LAMB2: variants seen among roughly 807,000 people sequenced by gnomAD.
LAMB2 encodes laminin subunit beta 2.
In LAMB2, 119 loss-of-function variants were observed where a neutral mutation model predicts 202.7. The ratio of observed to expected loss-of-function variants is 0.59; its 90% CI spans 0.51 to 0.68. The LOEUF (loss-of-function observed/expected upper bound fraction) is 0.68. LAMB2 is among the 30% of genes least tolerant of loss of function. LAMB2 has a pLI of 0.00. For synonymous variants in LAMB2, 818 were observed against 902.2 expected (o/e 0.91, Z 1.67); for missense variants, 2,124 against 2,410.6 (o/e 0.88, Z 2.49).
rs781028657 is a variant in LAMB2, at chr3:49,132,081, G to C, written c.459+35C>G. 5.6e-6 allele frequency: 9 copies of C among 1,597,102 alleles called. No individual in the cohort carries two copies. The highest frequency in any genetic ancestry group is 7.7e-6 in the Non-Finnish European group (9 of 1,164,604). On this transcript the variant is annotated intron_variant, in intron 4 of 31. Coordinates refer to ENST00000305544, the MANE Select transcript of LAMB2 (RefSeq NM_002292.4). The surrounding 1 kb of genome is among the most constrained non-coding windows in gnomAD (Gnocchi z 4.6). ...TCCAGGGGCAATGGAGAGCCAAGCA[G>C]GGTGATTCGGGCAGGCTCCCAGATA...
Position 49,122,822 on chromosome 3 carries a change from G to A in LAMB2, c.4455C>T (p.Ser1485=), listed in dbSNP as rs767826352. Residue 1485 remains serine (S), a synonymous_variant, in exon 27 of 32, where the codon AGC becomes AGT. Coordinates refer to ENST00000305544, the MANE Select transcript of LAMB2 (RefSeq NM_002292.4). ...CTGCCTGGGCCCGCTGCTGTGCCTC[G>A]CTTGCCTGCCGACGAGTCTCAGCCA... ...SRVAETRRQA[S]EAQQRAQAAL... is the part of the protein sequence containing the mutation. The A allele has an allele frequency of 4.3e-6, 7 of 1,613,168 alleles. No homozygotes were observed. The highest frequency in any genetic ancestry group is 2.2e-5 in the East Asian group (1 of 44,888).
In LAMB2 at chr3:49,129,169, G is replaced by C. The variant is rs2045455186; in HGVS notation, c.1599-17C>G. The C allele has an allele frequency of 1.2e-6, 2 of 1,613,960 alleles. No homozygotes were observed. The highest frequency in any genetic ancestry group is 3.3e-5 in the Admixed American group (2 of 59,996). On this transcript the variant is annotated splice_polypyrimidine_tract_variant and intron_variant, in intron 12 of 31. Transcript: ENST00000305544. The surrounding 1 kb of genome is among the most constrained non-coding windows in gnomAD (Gnocchi z 6.1). ...TCATCACACCTGGAGGGAACTCTGT[G>C]GTTACTCAAGAAGAACCTTCTCTTC...
rs778887906 is a variant in LAMB2, at chr3:49,121,583, C to G, written c.5110G>C (p.Gly1704Arg). The G allele has an allele frequency of 4.3e-6, 7 of 1,613,832 alleles. No individual in the cohort carries two copies. In the East Asian group the frequency reaches 6.7e-5, roughly 15 times the overall value. The change falls in exon 31 of 32, where the codon GGT becomes CGT. Residue 1704 changes from glycine to arginine, a missense_variant. By Grantham distance (125) the Gly-to-Arg change is moderately radical. This residue lies in a region of LAMB2 where 1,702 missense variants were observed against 1,896.3 expected (regional missense o/e 0.90). Transcript: ENST00000305544. ...GTCTGGTACTGATCACCCAGAGGAC[C>G]GCGTAGCAGCTGCAGATGTAGAGGG... ...RAQEAEQLLRGPLGDQYQTVK... is the reference protein window; with the variant it reads ...RAQEAEQLLRRPLGDQYQTVK...
rs2045410638 is a variant in LAMB2 at position 49,126,058 on chromosome 3, C to T, written c.2253G>A (p.Glu751=). The change falls in exon 17 of 32, where the codon GAG becomes GAA. Residue 751 remains glutamate (E), a synonymous_variant. Transcript: ENST00000305544. The part of the protein sequence containing the change: ...QATFERYQCH[E]EGLVPSKTSP... ...AAGTCTTGCTGGGCACCAGACCCTC[C>T]TCATGGCATTGGTAGCGTTCAAAGG... The T allele has an allele frequency of 1.9e-6, 3 of 1,614,026 alleles. No homozygotes were observed. Among genetic ancestry groups the T allele is most frequent in the Non-Finnish European group, 8.5e-7 (1 of 1,180,032 alleles).
At position 49,125,121 on chromosome 3, in the gene LAMB2, C is replaced by A. The variant is rs1457795429; in HGVS notation, c.2769G>T (p.Gln923His). ...CTTCAGGACAGGGACAGGGCCGGCA[C>A]TGGCCCCCATATGGCAGCCGTGGGT... ...HGDPRLPYGG[Q>H]CRPCPCPEGP... Residue 923 changes from glutamine to histidine, a missense_variant, in exon 20 of 32, where the codon CAG (glutamine) becomes CAT (histidine). Gln to His is a conservative substitution (Grantham distance 24). Transcript: ENST00000305544. 1 of 1,613,676 alleles carries A rather than the reference C, an allele frequency of 6.2e-7. No homozygotes were observed. The highest frequency in any genetic ancestry group is 8.5e-7 in the Non-Finnish European group (1 of 1,179,962).
chr3:49,124,736 C>T lies in LAMB2; in HGVS notation c.3074G>A (p.Gly1025Asp), dbSNP rs751314318. Reference sequence around the variant, plus strand: ...CTGTCGGGCAGCCTGCCCATGGAAGCCAGGCTTGCAGTGGGCACAGTGTGG... The same window carrying T: ...CTGTCGGGCAGCCTGCCCATGGAAGTCAGGCTTGCAGTGGGCACAGTGTGG... Reference protein sequence around the residue: ...EGPHCAHCKPGFHGQAARQSC... With the variant: ...EGPHCAHCKPDFHGQAARQSC... The change falls in exon 21 of 32, where the codon GGC (glycine) becomes GAC (aspartate). Residue 1025 changes from glycine to aspartate, a missense_variant. Gly to Asp is a moderately conservative substitution (Grantham distance 94). This residue lies in a region of LAMB2 where 1,702 missense variants were observed against 1,896.3 expected (regional missense o/e 0.90). Transcript: ENST00000305544. The T allele has an allele frequency of 6.2e-7, 1 of 1,614,078 alleles. No homozygotes were observed. Among genetic ancestry groups the T allele is most frequent in the Non-Finnish European group, 8.5e-7 (1 of 1,180,046 alleles).
Position 49,129,660 on chromosome 3 carries a change from T to C in LAMB2, c.1462A>G (p.Ser488Gly). Residue 488 changes from serine (S) to glycine (G), a missense_variant, in exon 11 of 32, where the codon AGT becomes GGT. By Grantham distance (56) the Ser-to-Gly change is moderately conservative. Around this residue, in one of 3 missense-constraint regions of LAMB2, gnomAD observed 1,702 missense variants for 1,896.3 expected, o/e 0.90. Coordinates refer to ENST00000305544, the MANE Select transcript of LAMB2 (RefSeq NM_002292.4). The surrounding 1 kb of genome is among the most constrained non-coding windows in gnomAD (Gnocchi z 6.1). ...AGACGTTTGCAGTAACAGGATCCAC[T>C]GTTGGGGTCACAAGGAGTGCTCCCA... The part of the protein sequence containing the change: ...VPGSTPCDPN[S>G]GSCYCKRLVT... 3 of 1,614,204 alleles carry C rather than the reference T, an allele frequency of 1.9e-6. No individual in the cohort carries two copies. The highest frequency in any genetic ancestry group is 2.5e-6 in the Non-Finnish European group (3 of 1,180,016).
chr3:49,130,102 CCCTGGATCCCTG>C lies in LAMB2; in HGVS notation c.1226-96_1226-85del. 6.4e-7 allele frequency: 1 copy of C among 1,558,100 alleles called. No homozygotes were observed. The highest frequency in any genetic ancestry group is 8.8e-7 in the Non-Finnish European group (1 of 1,130,154). ...CCTCTCCTAAGCCTAAGGGATCCCA[CCCTGGATCCCTG>C]GTCAAGTTCTATCCCAAGCCCCTAA... On this transcript the variant is annotated intron_variant, in intron 9 of 31. Transcript: ENST00000305544. This position sits in a 1 kb window ranked among gnomAD's most constrained non-coding sequence, Gnocchi z 5.0.
rs768658939 is a variant in LAMB2 at position 49,123,573 on chromosome 3, C to T, written c.3856G>A (p.Val1286Met). Reference sequence around the variant, plus strand: ...TTGGCATTGAAGTTCTCATCTTGCACATCTGTCAGGTCTGCCTCGAGCTGA... The same window carrying T: ...TTGGCATTGAAGTTCTCATCTTGCATATCTGTCAGGTCTGCCTCGAGCTGA... ...LTQLEADLTD[V>M]QDENFNANHA... Residue 1286 changes from valine (V) to methionine (M), a missense_variant, in exon 25 of 32, where the codon GTG (valine) becomes ATG (methionine). Transcript: ENST00000305544. The T allele has an allele frequency of 4.3e-6, 7 of 1,614,216 alleles. No individual in the cohort carries two copies. In the Admixed American group the frequency reaches 1.0e-4, roughly 23 times the overall value.
Position 49,132,549 on chromosome 3 carries a change from G to GCAGT in LAMB2, c.187_190dup (p.Ala64AspfsTer30). The GCAGT allele has an allele frequency of 6.2e-7, 1 of 1,613,666 alleles. No homozygotes were observed. Among genetic ancestry groups the GCAGT allele is most frequent in the East Asian group, 2.2e-5 (1 of 44,896 alleles). Reference sequence around the variant, plus strand: ...GCCATTCAGGCCACAAGTGGATGAGGCAGTCAGTCTGTCAGCTCGGCCCAC... The same window carrying GCAGT: ...GCCATTCAGGCCACAAGTGGATGAGGCAGTCAGTCAGTCTGTCAGCTCGGCCCAC... On this transcript the variant is annotated frameshift_variant, in exon 2 of 32. Transcript: ENST00000305544. LOFTEE classifies it high-confidence loss of function. This position sits in a 1 kb window ranked among gnomAD's most constrained non-coding sequence, Gnocchi z 4.6.
rs923046138 is a variant in LAMB2 at position 49,130,230 on chromosome 3, C to T, written c.1225+1G>A. 2 of 1,614,084 alleles carry T rather than the reference C, an allele frequency of 1.2e-6. No homozygotes were observed. Among genetic ancestry groups the T allele is most frequent in the South Asian group, 1.1e-5 (1 of 91,088 alleles). On this transcript the variant is annotated splice_donor_variant, in intron 9 of 31. Transcript: ENST00000305544. LOFTEE classifies it high-confidence loss of function. This position sits in a 1 kb window ranked among gnomAD's most constrained non-coding sequence, Gnocchi z 5.0. ...CTCCCCGTGCCCAATCCCAGCCTCA[C>T]AGCGGCACACAGCCGGATCCCGCAG...
At position 49,129,699 on chromosome 3, in the gene LAMB2, G is replaced by C; in HGVS notation, c.1423C>G (p.Arg475Gly). The C allele has an allele frequency of 6.2e-7, 1 of 1,613,850 alleles. No homozygotes were observed. The highest frequency in any genetic ancestry group is 8.5e-7 in the Non-Finnish European group (1 of 1,179,738). ...GGAGTGCTCCCAGGCACTGTGCCCC[G>C]TGCATTACATTGACATCCTGCAGGG... Reference protein sequence around the residue: ...LGCRRCQCNARGTVPGSTPCD... With the variant: ...LGCRRCQCNAGGTVPGSTPCD... Residue 475 changes from arginine to glycine, a missense_variant, in exon 11 of 32, where the codon CGG (arginine) becomes GGG (glycine). This residue lies in a region of LAMB2 where 1,702 missense variants were observed against 1,896.3 expected (regional missense o/e 0.90). Transcript: ENST00000305544. This position sits in a 1 kb window ranked among gnomAD's most constrained non-coding sequence, Gnocchi z 6.1.
Position 49,122,844 on chromosome 3 carries a change from G to A in LAMB2, c.4433C>T (p.Ala1478Val), listed in dbSNP as rs778667530. The change falls in exon 27 of 32, where the codon GCT becomes GTT. Residue 1478 changes from alanine (A) to valine (V), a missense_variant. Ala to Val is a moderately conservative substitution (Grantham distance 64). This residue lies in a region of LAMB2 where 1,702 missense variants were observed against 1,896.3 expected (regional missense o/e 0.90). Coordinates refer to ENST00000305544, the MANE Select transcript of LAMB2 (RefSeq NM_002292.4). ...AEGGSILSRV[A>V]ETRRQASEAQ... is the part of the protein sequence containing the mutation. ...CTCGCTTGCCTGCCGACGAGTCTCA[G>A]CCACTCTGCTGAGGATGCTACCACC... 1.9e-6 allele frequency: 3 copies of A among 1,611,992 alleles called. No homozygotes were observed. Among genetic ancestry groups the A allele is most frequent in the Non-Finnish European group, 2.5e-6 (3 of 1,179,780 alleles).
At position 49,129,932 on chromosome 3, in the gene LAMB2, A is replaced by G. The variant is rs1363075509; in HGVS notation, c.1312T>C (p.Cys438Arg). 1 of 1,614,100 alleles carries G rather than the reference A, an allele frequency of 6.2e-7. No individual in the cohort carries two copies. The highest frequency in any genetic ancestry group is 1.7e-5 in the Admixed American group (1 of 60,030). The change falls in exon 10 of 32, where the codon TGT (cysteine) becomes CGT (arginine). Residue 438 changes from cysteine (C) to arginine (R), a missense_variant. Transcript: ENST00000305544. This position sits in a 1 kb window ranked among gnomAD's most constrained non-coding sequence, Gnocchi z 6.1. Reference sequence around the variant, plus strand: ...CCCACCACATGTTCTTTGCAGCGACACTGGCCGGAGACCAGTCCCAGTGCA... The same window carrying G: ...CCCACCACATGTTCTTTGCAGCGACGCTGGCCGGAGACCAGTCCCAGTGCA... ...DPALGLVSGQ[C>R]RCKEHVVGTR... is the part of the protein sequence containing the mutation.
rs781730263 is a variant in LAMB2 at position 49,130,048 on chromosome 3, C to T, written c.1226-30G>A. 8 of 1,610,590 alleles carry T rather than the reference C, an allele frequency of 5.0e-6. No homozygotes were observed. Among genetic ancestry groups the T allele is most frequent in the Non-Finnish European group, 6.8e-6 (8 of 1,177,426 alleles). On this transcript the variant is annotated intron_variant, in intron 9 of 31. Coordinates refer to ENST00000305544, the MANE Select transcript of LAMB2 (RefSeq NM_002292.4). The surrounding 1 kb of genome is among the most constrained non-coding windows in gnomAD (Gnocchi z 5.0). ...CGGCAAAAAGAGATACAGGGTCACT[C>T]ACCCTATCTCAACTAGCTCACTGCC...
At position 49,130,331 on chromosome 3, in the gene LAMB2, A is replaced by G; in HGVS notation, c.1125T>C (p.Asp375=). Residue 375 remains aspartate, a synonymous_variant, in exon 9 of 32, where the codon GAT becomes GAC. Coordinates refer to ENST00000305544, the MANE Select transcript of LAMB2 (RefSeq NM_002292.4). The surrounding 1 kb of genome is among the most constrained non-coding windows in gnomAD (Gnocchi z 5.0). ...GCCCAGCTGTGTTATGCTGACATCC[A>G]TCACACACACCTCCACTCACATTGC... ...ASGNVSGGVC[D]GCQHNTAGRH... is the part of the protein sequence containing the mutation. The G allele has an allele frequency of 6.2e-7, 1 of 1,614,156 alleles. No individual in the cohort carries two copies. The highest frequency in any genetic ancestry group is 8.5e-7 in the Non-Finnish European group (1 of 1,180,026).
chr3:49,131,569 C>T lies in LAMB2; in HGVS notation c.614G>A (p.Arg205His), dbSNP rs539804907. 27 of 1,613,798 alleles carry T rather than the reference C, an allele frequency of 1.7e-5. No individual in the cohort carries two copies. In the South Asian group the frequency reaches 2.4e-4, roughly 14 times the overall value. The change falls in exon 5 of 32, where the codon CGC becomes CAC. Residue 205 changes from arginine (R) to histidine (H), a missense_variant. Transcript: ENST00000305544. The surrounding 1 kb of genome is among the most constrained non-coding windows in gnomAD (Gnocchi z 5.0). ...AGTGGATGGCTCAATCTCTGAGTAG[C>T]GGGACTCACAGACTACATCATCCCA... ...RHWDDVVCES[R>H]YSEIEPSTEG...
intron 15 of LAMB2, among the ~76,000 whole-genome samples, chr3:49,127,884 G>C (rs765277082): frequency 6.6e-6 from 1 of 151,338 alleles, no homozygotes; most frequent in Admixed American, 6.6e-5. Flanking sequence ...GCTGGGCGTG[G>C]TGGCGTGCAC....
chr3:49,127,638 T>C (rs1384601222), intron 15 of LAMB2, among the ~76,000 whole-genome samples: 6 of 151,720 alleles, frequency 4.0e-5, no homozygotes, highest in Non-Finnish European at 8.8e-5. Context: ...GAGCTTGCAG[T>C]GAGCCGAGAT....
Sources: gnomAD v4.1 joint callset for allele counts (sites outside exome capture counted in the v4.1 genomes callset) on GRCh38, gnomAD v4.1.1 for gene constraint, gnomAD v4.1.1 regional missense constraint, Gnocchi (gnomAD v3.1) non-coding constraint, MANE v1.5 for transcripts, NCBI Gene and HGNC (gene_info 2026-07-23, HGNC 2026-07-21) for gene names.